The following ATP8B1 variants were observed in gnomAD, a reference collection of about 807,000 sequenced individuals.
ATP8B1 encodes ATPase phospholipid transporting 8B1, also known as phospholipid-transporting ATPase IC.
A neutral mutation model predicts 149.9 loss-of-function variants in ATP8B1; 80 were observed. The ratio of observed to expected loss-of-function variants is 0.53; its 90% CI spans 0.45 to 0.64. ATP8B1 has a LOEUF of 0.64. Ranked by LOEUF, ATP8B1 falls within the 30% of genes least tolerant of loss-of-function variation. The pLI is 0.00. For missense variants in ATP8B1, 1,247 were observed against 1,552.6 expected, an observed-to-expected ratio of 0.80 and a Z score of 3.31; for synonymous variants, 536 against 562.8, an observed-to-expected ratio of 0.95 and a Z score of 0.67.
chr18:57,649,433 C>T (rs899902523), intron 27 of ATP8B1, among the ~76,000 whole-genome samples: 3 of 152,038 alleles, frequency 2.0e-5, no homozygotes, highest in African/African-American at 7.2e-5. Context: ...TAGTTCAGAC[C>T]AGATGGGTAC....
In ATP8B1 at chr18:57,731,777, A is replaced by G; in HGVS notation, c.31T>C (p.Phe11Leu). 6.2e-7 allele frequency: 1 copy of G among 1,614,034 alleles called. No homozygotes were observed. The highest frequency in any genetic ancestry group is 8.5e-7 in the Non-Finnish European group (1 of 1,179,994). MSTERDSETT[F>L]DEDSQPNDEV... Reference sequence around the variant, plus strand: ...TCATTAGGCTGAGAATCCTCGTCAAATGTCGTTTCTGAGTCTCTTTCTGTA... The same window carrying G: ...TCATTAGGCTGAGAATCCTCGTCAAGTGTCGTTTCTGAGTCTCTTTCTGTA... The change falls in exon 2 of 28, where the codon TTT (phenylalanine) becomes CTT (leucine). Residue 11 changes from phenylalanine (F) to leucine (L), a missense_variant. Phe to Leu is a conservative substitution (Grantham distance 22). Transcript: ENST00000648908.
rs749719993 is a variant in ATP8B1 at position 57,685,076 on chromosome 18, A to G, written c.1469T>C (p.Ile490Thr). The change falls in exon 14 of 28, where the codon ATA (isoleucine) becomes ACA (threonine). Residue 490 changes from isoleucine (I) to threonine (T), a missense_variant. Ile to Thr is a moderately conservative substitution (Grantham distance 89). Transcript: ENST00000648908. ...RDASQHNHNK[I>T]EQVDFSWNTY... Reference sequence around the variant, plus strand: ...TCTTCGGCTTAAAGGTCTTACCTCTATTTTGTTGTGGTTGTGTTGAGAGGC... The same window carrying G: ...TCTTCGGCTTAAAGGTCTTACCTCTGTTTTGTTGTGGTTGTGTTGAGAGGC... The G allele has an allele frequency of 7.4e-6, 12 of 1,614,050 alleles. No homozygotes were observed. The African/African-American group carries it at 8.0e-5, about 11-fold the overall frequency.
intron 1 of ATP8B1, among the ~76,000 whole-genome samples, chr18:57,740,331 T>A (rs2079899801): frequency 6.6e-6 from 1 of 152,072 alleles, no homozygotes; most frequent in South Asian, 2.1e-4. Context: ...TTTCCTCATT[T>A]TGTTTATTAT....
At chr18:57,696,689 AGAGGGAGCAATGTCCC>A (rs1568200375) in intron 8 of ATP8B1, among the ~76,000 whole-genome samples, 1 of 152,192 alleles carries the variant, frequency 6.6e-6, no homozygotes, top group Non-Finnish European at 1.5e-5. Context: ...CGCGAGGAGC[AGAGGGAGCAATGTCCC>A]GACTCTACCA....
chr18:57,688,201 C>T (rs1207795466), intron 13 of ATP8B1, 98 bp downstream of exon 13: 1 of 1,333,330 alleles, frequency 7.5e-7, no homozygotes, highest in African/African-American at 1.4e-5. Context: ...ATCGAGAGGG[C>T]ACCAGCAATG....
chr18:57,688,340 A>G lies in ATP8B1; in HGVS notation c.1388T>C (p.Ile463Thr), dbSNP rs910086661. The G allele has an allele frequency of 1.2e-6, 2 of 1,614,156 alleles. No individual in the cohort carries two copies. Among genetic ancestry groups the G allele is most frequent in the Non-Finnish European group, 8.5e-7 (1 of 1,180,026 alleles). Residue 463 changes from isoleucine (I) to threonine (T), a missense_variant, in exon 13 of 28, where the codon ATC (isoleucine) becomes ACC (threonine). Ile to Thr is a moderately conservative substitution (Grantham distance 89). Transcript: ENST00000648908. Reference protein sequence around the residue: ...SDKTGTLTQNIMTFKKCCING... With the variant: ...SDKTGTLTQNTMTFKKCCING... ...GATACAGCACTTTTTAAAGGTCATG[A>G]TATTTTGTGTGAGTGTCCCCGTCTT...
At chr18:57,720,255 TG>T (rs1382335956) in intron 2 of ATP8B1, among the ~76,000 whole-genome samples, 1 of 138,626 alleles carries the variant, frequency 7.2e-6, no homozygotes, top group Admixed American at 7.4e-5. Context: ...AGAATGACTT[TG>T]ACGAGCTGAG....
chr18:57,665,458 A>C (rs1490754219), intron 20 of ATP8B1, among the ~76,000 whole-genome samples: 2 of 152,204 alleles, frequency 1.3e-5, no homozygotes, highest in East Asian at 3.8e-4. Flanking sequence ...CCCCATCTAC[A>C]AAAAATAAAC....
At chr18:57,732,527 A>G (rs381889) in intron 1 of ATP8B1, among the ~76,000 whole-genome samples, 149,429 of 151,956 alleles carry the variant, frequency 0.98, 73,520 homozygotes, top group East Asian at 1. Context: ...ACATTCACAC[A>G]TTTATTTGCA....
intron 6 of ATP8B1, among the ~76,000 whole-genome samples, chr18:57,699,678 G>A (rs370306039): frequency 6.1e-4 from 93 of 152,046 alleles, no homozygotes; most frequent in South Asian, 4.8e-3. Context: ...CGGAGATCGC[G>A]CCACTGCACT....
chr18:57,677,694 C>T (rs567955336), intron 15 of ATP8B1, among the ~76,000 whole-genome samples: 204 of 152,310 alleles, frequency 1.3e-3, no homozygotes, highest in East Asian at 5.2e-3. Flanking sequence ...AAGCTATAAA[C>T]GCACTTCCTA....
At chr18:57,675,086 G>T in intron 15 of ATP8B1, 64 bp from the exon 16 acceptor site, 1 of 1,551,586 alleles carries the variant, frequency 6.4e-7, no homozygotes, top group Middle Eastern at 2.3e-4. Flanking sequence ...TCATTGTTGA[G>T]GCCTCTGCTG....
rs1052245496 is a variant in ATP8B1 at position 57,695,469 on chromosome 18, A to G, written c.762T>C (p.Asp254=). ...ACAAACCATCAAATGTAGCCAATGT[A>G]TCTTCTCTTTGGAGGTACTGGTCTG... ...EITDQYLQRE[D]TLATFDGFIE... is the part of the protein sequence containing the mutation. Residue 254 remains aspartate (D), a synonymous_variant, in exon 9 of 28, where the codon GAT becomes GAC. Coordinates refer to ENST00000648908, the MANE Select transcript of ATP8B1 (RefSeq NM_001374385.1). 9 of 1,612,666 alleles carry G rather than the reference A, an allele frequency of 5.6e-6. No homozygotes were observed. The highest frequency in any genetic ancestry group is 3.3e-5 in the South Asian group (3 of 91,058).
At chr18:57,687,773 AT>A (rs11342488) in intron 13 of ATP8B1, among the ~76,000 whole-genome samples, 11,592 of 94,932 alleles carry the variant, frequency 0.12, 698 homozygotes, top group East Asian at 0.23. Flanking sequence ...GAGACTTCTA[AT>A]TTTTTTTTTT....
At position 57,699,395 on chromosome 18, in the gene ATP8B1, T is replaced by C. The variant is rs73439197; in HGVS notation, c.555-1528A>G. ...TTAGGAAACACTTCATTCAGTAAAA[T>C]AGAATAAGTGTCCCAATGAGCCTAG... On this transcript the variant is annotated intron_variant, in intron 6 of 27. Coordinates refer to ENST00000648908, the MANE Select transcript of ATP8B1 (RefSeq NM_001374385.1). 4.9e-3 allele frequency among the ~76,000 whole-genome samples: 747 copies of C among 152,234 alleles called. 4 individuals are homozygous for C. Among genetic ancestry groups the C allele is most frequent in the African/African-American group, 0.016 (682 of 41,558 alleles).
Position 57,701,654 on chromosome 18 carries a change from G to A in ATP8B1, c.394-341C>T, listed in dbSNP as rs1008256840. ...GAAAATCATATTTAACTGGGGGTGA[G>A]GGGGTAGGAGTGGCAAGGGAGAAGT... On this transcript the variant is annotated intron_variant, in intron 4 of 27. Transcript: ENST00000648908. 3.9e-5 allele frequency among the ~76,000 whole-genome samples: 6 copies of A among 152,034 alleles called. No homozygotes were observed. The East Asian group carries it at 1.2e-3, about 29-fold the overall frequency.
At chr18:57,749,475 CTT>C (rs1400224850) in intron 1 of ATP8B1, among the ~76,000 whole-genome samples, 3 of 152,184 alleles carry the variant, frequency 2.0e-5, no homozygotes, top group Admixed American at 1.3e-4. Flanking sequence ...CTTTAACTCT[CTT>C]GTTATCATAA....
intron 1 of ATP8B1, among the ~76,000 whole-genome samples, chr18:57,768,242 C>T (rs2080230970): frequency 6.6e-6 from 1 of 151,722 alleles, no homozygotes; most frequent in African/African-American, 2.4e-5. Flanking sequence ...CAAAAATTAG[C>T]CAGGTGTGGT....
intron 15 of ATP8B1, among the ~76,000 whole-genome samples, chr18:57,676,036 A>G (rs1172153755): frequency 6.6e-6 from 1 of 152,214 alleles, no homozygotes; most frequent in Non-Finnish European, 1.5e-5. Context: ...GCAGATTCCT[A>G]TTAGGAAAAT....
Sources: allele counts gnomAD v4.1 joint callset (sites outside exome capture counted in the v4.1 genomes callset), GRCh38; gene constraint gnomAD v4.1.1; transcripts MANE v1.5; gene names NCBI Gene and HGNC (gene_info 2026-07-23, HGNC 2026-07-21).